Variants in COL4A6 observed in about 807,000 individuals in gnomAD.
COL4A6 encodes the protein collagen alpha-6(IV) chain.
In COL4A6, 59 loss-of-function variants were observed where a neutral mutation model predicts 126.7. The observed-to-expected ratio is 0.47, with a 90% confidence interval of 0.38 to 0.58. The LOEUF is 0.58. Ranked by LOEUF, COL4A6 falls within the 20% of genes least tolerant of loss-of-function variation. The pLI is 0.00. For missense variants in COL4A6, 1,285 were observed against 1,337.3 expected, an observed-to-expected ratio of 0.96 and a Z score of 0.61; for synonymous variants, 547 against 496.6, an observed-to-expected ratio of 1.10 and a Z score of -1.35.
chrX:108,374,218 C>T (rs2040387545), intron 2 of COL4A6, among the ~76,000 whole-genome samples: 1 of 111,887 alleles, frequency 8.9e-6, no homozygotes, highest in Admixed American at 9.5e-5. Flanking sequence ...ACATTTTTGC[C>T]GTAGCAAAAT....
At chrX:108,161,813 G>GT in intron 41 of COL4A6, 78 bp from the exon 42 acceptor site, 1 of 637,413 alleles carries the variant, frequency 1.6e-6, no homozygotes, top group Non-Finnish European at 2.5e-6. Flanking sequence ...GGGGACTTAT[G>GT]TGTCATGCCC....
At chrX:108,363,441 T>C (rs776465653) in intron 2 of COL4A6, among the ~76,000 whole-genome samples, 1 of 111,442 alleles carries the variant, frequency 9.0e-6, no homozygotes, top group African/African-American at 3.3e-5. Flanking sequence ...ATTCCTCAAA[T>C]AGGAAAGCAG....
chrX:108,213,960 G>T (rs111598977), intron 6 of COL4A6, 152 bp downstream of exon 6: 16 of 491,501 alleles, frequency 3.3e-5, no homozygotes, highest in African/African-American at 9.6e-5. Context: ...GACTTTTACT[G>T]TTGTGGTGCT....
At chrX:108,277,768 T>C (rs1276244897) in intron 3 of COL4A6, among the ~76,000 whole-genome samples, 2 of 110,985 alleles carry the variant, frequency 1.8e-5, no homozygotes, top group Non-Finnish European at 3.8e-5. Flanking sequence ...ACACCTCACA[T>C]GGCCGGGTAC....
intron 23 of COL4A6, among the ~76,000 whole-genome samples, chrX:108,182,369 G>A (rs1390418418): frequency 8.9e-6 from 1 of 111,981 alleles, no homozygotes; most frequent in East Asian, 2.8e-4. Context: ...CCATCCTCAG[G>A]TTAGTGACAC....
chrX:108,197,683 C>T (rs1007462861), intron 13 of COL4A6, among the ~76,000 whole-genome samples: 1 of 109,906 alleles, frequency 9.1e-6, no homozygotes, highest in African/African-American at 3.3e-5. Context: ...GCTTTCTGGG[C>T]CCAGGGTTTT....
At chrX:108,304,639 G>T (rs1371495877) in intron 3 of COL4A6, among the ~76,000 whole-genome samples, 1 of 112,075 alleles carries the variant, frequency 8.9e-6, no homozygotes, top group Non-Finnish European at 1.9e-5. Flanking sequence ...AGAATGAATT[G>T]TTGGAAGTAA....
chrX:108,387,724 T>C lies in COL4A6; in HGVS notation c.63+50218A>G, dbSNP rs1268205311. The stretch of plus-strand genomic sequence containing the variant: ...TCTTTTATTTCTTTCTCTTGCCTGA[T>C]TACCCTGGCCAGAACTTCCAATACT... On this transcript the variant is annotated intron_variant, in intron 2 of 44. Transcript: ENST00000334504. 2.7e-5 allele frequency among the ~76,000 whole-genome samples: 3 copies of C among 112,072 alleles called. No individual in the cohort carries two copies. The East Asian group carries it at 8.4e-4, about 31-fold the overall frequency.
chrX:108,381,108 G>A (rs938853711), intron 2 of COL4A6, among the ~76,000 whole-genome samples: 2 of 111,852 alleles, frequency 1.8e-5, no homozygotes, highest in African/African-American at 6.5e-5. Context: ...AACCATGACT[G>A]TATTATTAAA....
intron 2 of COL4A6, among the ~76,000 whole-genome samples, chrX:108,355,075 T>C (rs1180481460): frequency 1.8e-5 from 2 of 111,600 alleles, no homozygotes; most frequent in Non-Finnish European, 3.8e-5. Flanking sequence ...CTAAGTGCTC[T>C]AGAGACATCA....
intron 8 of COL4A6, among the ~76,000 whole-genome samples, chrX:108,207,064 A>G (rs2035565577): frequency 1.8e-5 from 2 of 111,908 alleles, no homozygotes; most frequent in African/African-American, 6.5e-5. Context: ...GTCAAAACTC[A>G]GCAAACATAC....
rs187040665 is a variant in COL4A6, at chrX:108,387,541, C to T, written c.63+50401G>A. Among the ~76,000 whole-genome samples, 112 of 111,691 alleles carry T rather than the reference C, an allele frequency of 1.0e-3. 4 individuals carry two copies. In the East Asian group the frequency reaches 0.03, roughly 30 times the overall value. On this transcript the variant is annotated intron_variant, in intron 2 of 44. Transcript: ENST00000334504. Reference sequence around the variant, plus strand: ...TGTCTGTTATTGGTGTACAGGAATGCTTGTGATTTTTGCACATTGATTTTG... The same window carrying T: ...TGTCTGTTATTGGTGTACAGGAATGTTTGTGATTTTTGCACATTGATTTTG...
upstream of COL4A6, chrX:108,439,297 C>T (rs1281990236): frequency 3.8e-6 from 2 of 524,731 alleles, no homozygotes; most frequent in East Asian, 8.4e-5. Flanking sequence ...CTGAATGCTC[C>T]CAGATCTTAT....
rs1242350596 is a variant in COL4A6 at position 108,191,424 on chromosome X, C to A, written c.1290G>T (p.Leu430Phe). Residue 430 changes from leucine to phenylalanine, a missense_variant, in exon 19 of 45, where the codon TTG becomes TTT. By Grantham distance (22) the Leu-to-Phe change is conservative (BLOSUM62 0). Coordinates refer to ENST00000334504, the MANE Select transcript of COL4A6 (RefSeq NM_033641.4). ...GAAGLPGRDG[L>F]PGPPGPPGPP... ...GGCCTGGTGGACCTGGTGGGCCTGGCAAACCATCTCTGCCAGGGAGGCCAG... is the reference window on the plus strand; with the variant it reads ...GGCCTGGTGGACCTGGTGGGCCTGGAAAACCATCTCTGCCAGGGAGGCCAG... 7 of 1,209,243 alleles carry A rather than the reference C, an allele frequency of 5.8e-6. No homozygotes were observed. The South Asian group carries it at 1.1e-4, about 18-fold the overall frequency.
chrX:108,411,645 G>A (rs1027066571), intron 2 of COL4A6, among the ~76,000 whole-genome samples: 2 of 111,769 alleles, frequency 1.8e-5, no homozygotes, highest in East Asian at 5.6e-4. Context: ...GGTTAGATGA[G>A]GGTACTAGGT....
At chrX:108,381,928 C>G (rs924594445) in intron 2 of COL4A6, among the ~76,000 whole-genome samples, 30 of 107,952 alleles carry the variant, frequency 2.8e-4, no homozygotes, top group African/African-American at 1.1e-3. Context: ...TATTTTCTTC[C>G]TATCTCTCTC....
At chrX:108,310,849 T>G (rs1357193508) in intron 2 of COL4A6, 21 bp from the exon 3 acceptor site, 2 of 1,147,912 alleles carry the variant, frequency 1.7e-6, no homozygotes, top group African/African-American at 1.8e-5. Context: ...AAGGAAAAAG[T>G]TAATAAACCA....
chrX:108,215,481 C>T (rs1475716472), intron 5 of COL4A6, among the ~76,000 whole-genome samples: 1 of 103,940 alleles, frequency 9.6e-6, no homozygotes, highest in Non-Finnish European at 2.0e-5. Context: ...TCTTGTTTGC[C>T]CTGAAGATCT....
At position 108,165,435 on chromosome X, in the gene COL4A6, G is replaced by A. The variant is rs770931432; in HGVS notation, c.3743C>T (p.Ser1248Phe). ...PAGLPGAPGISLPSLIAGQPG... is the reference protein window; with the variant it reads ...PAGLPGAPGIFLPSLIAGQPG... ...CTGTCCTGCTATGAGTGAGGGCAAG[G>A]AGATGCCTGGGGCACCGGGGAGACC... The change falls in exon 38 of 45, where the codon TCC becomes TTC. Residue 1248 changes from serine to phenylalanine, a missense_variant. Transcript: ENST00000334504. The A allele has an allele frequency of 8.3e-7, 1 of 1,206,264 alleles. No homozygotes were observed. Among genetic ancestry groups the A allele is most frequent in the Non-Finnish European group, 1.1e-6 (1 of 893,614 alleles).
Sources: gnomAD v4.1 joint callset for allele counts (sites outside exome capture counted in the v4.1 genomes callset) on GRCh38, gnomAD v4.1.1 for gene constraint, MANE v1.5 for transcripts, NCBI Gene and HGNC (gene_info 2026-07-23, HGNC 2026-07-21) for gene names.